The following CCDC194 variants were observed in gnomAD, a reference collection of about 807,000 sequenced individuals.
The protein encoded by CCDC194 is coiled-coil domain-containing protein 194.
Under a neutral mutation model 4.9 loss-of-function variants are expected in CCDC194, and 8 were observed. That is an observed-to-expected ratio of 1.65 (90% CI 0.97 to 2.97). The LOEUF is 2.97. CCDC194 is among the 30% of genes most tolerant of loss of function. The probability of loss-of-function intolerance (pLI) is 0.00; values close to 1 mark genes in which losing one functional copy is unlikely to be tolerated. For synonymous variants in CCDC194, 13 were observed against 17.0 expected, an observed-to-expected ratio of 0.76 and a Z score of 0.58; for missense variants, 52 against 43.1, an observed-to-expected ratio of 1.21 and a Z score of -0.58.
intron 3 of CCDC194, 32 bp downstream of exon 3, chr19:17,391,179 C>T (rs1245624453): frequency 1.0e-5 from 4 of 397,198 alleles, no homozygotes; most frequent in Non-Finnish European, 8.9e-6. Flanking sequence ...CCCGTCCATC[C>T]GACCCCGCCC....
At chr19:17,390,428 G>T (rs910489108), downstream of CCDC194, 6 of 382,284 alleles carry the variant, frequency 1.6e-5, no homozygotes, top group Admixed American at 1.4e-4. This position sits in a 1 kb window ranked among gnomAD's most constrained non-coding sequence, Gnocchi z 5.5. Context: ...CCAGCGTGGG[G>T]GTGCCTCTAT....
intron 1 of CCDC194, 155 bp from the exon 2 acceptor site, chr19:17,392,001 G>T: frequency 1.4e-6 from 1 of 698,422 alleles, no homozygotes; most frequent in Non-Finnish European, 2.2e-6. Context: ...GTAAAATACA[G>T]AAGTGGCTTC....
chr19:17,392,474 G>A (rs8106913), intron 1 of CCDC194, among the ~76,000 whole-genome samples: 144,441 of 152,220 alleles, frequency 0.95, 68,989 homozygotes, highest in Middle Eastern at 0.99. Flanking sequence ...CTCCGTCTCA[G>A]AACAAACAAA....
chr19:17,390,377 C>T (rs2074649399), downstream of CCDC194: 1 of 382,168 alleles, frequency 2.6e-6, no homozygotes. The surrounding 1 kb of genome is among the most constrained non-coding windows in gnomAD (Gnocchi z 5.5). Context: ...TGTGCAGTTT[C>T]CGTTCAGGAC....
At chr19:17,390,048 A>G (rs2074648318), downstream of CCDC194, among the ~76,000 whole-genome samples, 1 of 152,208 alleles carries the variant, frequency 6.6e-6, no homozygotes, top group African/African-American at 2.4e-5. The surrounding 1 kb of genome is among the most constrained non-coding windows in gnomAD (Gnocchi z 5.5). Flanking sequence ...TCACAGGGTT[A>G]GGGATTTGCG....
chr19:17,391,981 C>A, intron 1 of CCDC194, 135 bp from the exon 2 acceptor site: 4 of 829,216 alleles, frequency 4.8e-6, no homozygotes, highest in Non-Finnish European at 7.0e-6. Flanking sequence ...TCCTTTGGGG[C>A]CTTGTAGTTG....
chr19:17,391,646 G>A, intron 2 of CCDC194, 104 bp downstream of exon 2: 1 of 1,533,238 alleles, frequency 6.5e-7, no homozygotes, highest in Non-Finnish European at 8.7e-7. Context: ...GTTTATATCC[G>A]TGTTATTTGC....
chr19:17,391,875 G>A, intron 1 of CCDC194, 29 bp from the exon 2 acceptor site: 6 of 1,477,780 alleles, frequency 4.1e-6, no homozygotes, highest in Non-Finnish European at 4.5e-6. Context: ...GTGGGAGGGG[G>A]TGTAGGCAGA....
At chr19:17,391,264 C>A in exon 3 of CCDC194, 1 of 409,686 alleles carries the variant, frequency 2.4e-6, no homozygotes, top group Middle Eastern at 6.1e-4. Flanking sequence ...CCTCGGCCTC[C>A]GCCACGCCTG....
At chr19:17,392,058 A>C in intron 1 of CCDC194, 1 of 474,096 alleles carries the variant, frequency 2.1e-6, no homozygotes, top group Non-Finnish European at 3.7e-6. Flanking sequence ...CTGGAGGGAG[A>C]TCTCTGCCCA....
downstream of CCDC194, among the ~76,000 whole-genome samples, chr19:17,389,457 GC>G (rs1366603363): frequency 1.3e-5 from 2 of 152,008 alleles, no homozygotes; most frequent in African/African-American, 2.4e-5. Context: ...TTTAGTTGTA[GC>G]TTTTATTTTT....
intron 2 of CCDC194, 114 bp from the exon 3 acceptor site, chr19:17,391,457 A>C: frequency 1.7e-6 from 1 of 577,752 alleles, no homozygotes; most frequent in Non-Finnish European, 2.9e-6. Flanking sequence ...CTTTATTTGA[A>C]TTAAATTAGT....
intron 2 of CCDC194, 122 bp from the exon 3 acceptor site, chr19:17,391,465 A>T (rs2074654520): frequency 6.4e-6 from 4 of 620,484 alleles, no homozygotes; most frequent in South Asian, 6.2e-5. Context: ...GAATTAAATT[A>T]GTGTGTACCA....
chr19:17,389,991 A>T (rs537634620), downstream of CCDC194, among the ~76,000 whole-genome samples: 7 of 152,306 alleles, frequency 4.6e-5, no homozygotes, highest in South Asian at 1.2e-3. Context: ...CAAACATGTT[A>T]CTTGGTTCTT....
At chr19:17,391,378 T>TACCCC in intron 2 of CCDC194, 35 bp from the exon 3 acceptor site, 1 of 501,582 alleles carries the variant, frequency 2.0e-6, no homozygotes, top group Non-Finnish European at 3.5e-6. Flanking sequence ...GGCTGGAGAC[T>TACCCC]CCCGCGCCCA....
In CCDC194 at chr19:17,391,744, A is replaced by G. The variant is rs1599587770; in HGVS notation, c.421+6T>C. On this transcript the variant is annotated splice_donor_region_variant and intron_variant, in intron 2 of 3. Coordinates refer to ENST00000636079, the Ensembl canonical transcript of CCDC194. ...TCCCTGCCCACTCCCTTACACCCCA[A>G]CGCACCTGTCAGCGCCCCGTTCTCG... The G allele has an allele frequency of 6.5e-7, 1 of 1,535,416 alleles. No homozygotes were observed. The highest frequency in any genetic ancestry group is 8.7e-7 in the Non-Finnish European group (1 of 1,146,814).
rs1599587916 is a variant in CCDC194 at position 17,391,943 on chromosome 19, C to T, written c.325-97G>A. ...GGGGACAGTGAGAAGCCACCTGCGA[C>T]CCTGTGTCCTGAGCTTTGTGTGGAA... On this transcript the variant is annotated intron_variant, in intron 1 of 3. Transcript: ENST00000636079. The T allele has an allele frequency of 3.5e-6, 4 of 1,143,732 alleles. No homozygotes were observed. The East Asian group carries it at 1.1e-4, about 31-fold the overall frequency. 70.8% of individuals were successfully genotyped at this position (1,143,732 alleles called of 1,614,324 possible). A position where few individuals can be genotyped will look rare whatever the true frequency, so the allele number is the denominator to read the frequency against.
At chr19:17,392,932 C>G (rs1408848752) in intron 1 of CCDC194, among the ~76,000 whole-genome samples, 2 of 152,102 alleles carry the variant, frequency 1.3e-5, no homozygotes, top group Admixed American at 6.6e-5. Flanking sequence ...TACACTCGCC[C>G]TGGCTTCCAA....
rs1457975842 is a variant in CCDC194 at position 17,390,855 on chromosome 19, C to A, written c.555-196G>T. Among the ~76,000 whole-genome samples, 2 of 152,010 alleles carry A rather than the reference C, an allele frequency of 1.3e-5. No individual in the cohort carries two copies. Among genetic ancestry groups the A allele is most frequent in the Admixed American group, 1.3e-4 (2 of 15,244 alleles). On this transcript the variant is annotated intron_variant, in intron 3 of 3. Coordinates refer to ENST00000636079, the Ensembl canonical transcript of CCDC194. The surrounding 1 kb of genome is among the most constrained non-coding windows in gnomAD (Gnocchi z 5.5). Reference sequence around the variant, plus strand: ...TCCCGGGACGCCTCCCTAGAGACTCCCAGCTACATCCCCAGAAGCTCTGTC... The same window carrying A: ...TCCCGGGACGCCTCCCTAGAGACTCACAGCTACATCCCCAGAAGCTCTGTC...
Sources: gnomAD v4.1 joint callset for allele counts (sites outside exome capture counted in the v4.1 genomes callset) on GRCh38, gnomAD v4.1.1 for gene constraint, Gnocchi (gnomAD v3.1) non-coding constraint, MANE v1.5 for transcripts, NCBI Gene and HGNC (gene_info 2026-07-23, HGNC 2026-07-21) for gene names.